Variants in RIPOR3 observed in about 807,000 individuals in gnomAD.
RIPOR3 encodes the protein RIPOR family member 3, also known as family with sequence similarity 65 member C.
Under a neutral mutation model 114.3 loss-of-function variants are expected in RIPOR3, and 95 were observed. The ratio of observed to expected loss-of-function variants is 0.83; its 90% CI spans 0.70 to 0.99. The LOEUF (loss-of-function observed/expected upper bound fraction) is 0.99, where lower values mean the gene tolerates loss of function less well. Among genes scored for constraint, RIPOR3 ranks in the 50% least tolerant of loss-of-function variants. The pLI, the probability that RIPOR3 is intolerant of heterozygous loss-of-function variation, is 0.00. For synonymous variants in RIPOR3, 575 were observed against 543.8 expected (o/e 1.06, Z -0.80); for missense variants, 1,252 against 1,266.9 (o/e 0.99, Z 0.18).
At chr20:50,640,797 G>A (rs1484016753) in intron 1 of RIPOR3, among the ~76,000 whole-genome samples, 2 of 151,958 alleles carry the variant, frequency 1.3e-5, no homozygotes, top group Non-Finnish European at 2.9e-5. Flanking sequence ...ACGAACACAT[G>A]TGAATTACTT....
At chr20:50,594,797 C>A in intron 16 of RIPOR3, 83 bp from the exon 17 acceptor site, 1 of 1,483,066 alleles carries the variant, frequency 6.7e-7, no homozygotes, top group Non-Finnish European at 9.2e-7. Context: ...TCCACTAGGA[C>A]CTGAGGGGGT....
chr20:50,598,286 G>A (rs985589688), intron 13 of RIPOR3, among the ~76,000 whole-genome samples: 1 of 152,036 alleles, frequency 6.6e-6, no homozygotes, highest in African/African-American at 2.4e-5. Flanking sequence ...GGAGAGTGTT[G>A]GGGCCACCAA....
intron 1 of RIPOR3, among the ~76,000 whole-genome samples, chr20:50,652,636 A>C (rs1463642225): frequency 6.6e-6 from 1 of 151,858 alleles, no homozygotes; most frequent in African/African-American, 2.4e-5. Flanking sequence ...AAAGAAAGAA[A>C]GAAAAGAAAA....
intron 1 of RIPOR3, among the ~76,000 whole-genome samples, chr20:50,689,329 C>T (rs2087131831): frequency 6.6e-6 from 1 of 152,106 alleles, no homozygotes; most frequent in Admixed American, 6.5e-5. Context: ...GCACGCACCA[C>T]CACGGCCAGC....
chr20:50,596,800 C>G (rs778402136), intron 14 of RIPOR3, among the ~76,000 whole-genome samples: 1 of 152,196 alleles, frequency 6.6e-6, no homozygotes, highest in Admixed American at 6.5e-5. Context: ...AGCCTCTGCT[C>G]TTCCATGTGG....
intron 14 of RIPOR3, chr20:50,596,962 T>A (rs2083314014): frequency 6.6e-6 from 1 of 151,160 alleles, no homozygotes; most frequent in African/African-American, 2.5e-5. Flanking sequence ...AGAGCTTTTT[T>A]TTTCTTTTTC....
At chr20:50,607,260 G>T (rs1028446742) in intron 11 of RIPOR3, among the ~76,000 whole-genome samples, 2 of 152,072 alleles carry the variant, frequency 1.3e-5, no homozygotes, top group East Asian at 3.9e-4. Context: ...AAAGGGGTGC[G>T]CTTACAGAAG....
At chr20:50,658,844 T>C (rs1279690447) in intron 1 of RIPOR3, among the ~76,000 whole-genome samples, 1 of 152,152 alleles carries the variant, frequency 6.6e-6, no homozygotes, top group Non-Finnish European at 1.5e-5. Flanking sequence ...TTATAAATGG[T>C]GAAGACAGGT....
intron 19 of RIPOR3, 171 bp from the exon 20 acceptor site, chr20:50,589,940 G>A: frequency 3.3e-6 from 2 of 604,820 alleles, no homozygotes; most frequent in Non-Finnish European, 6.1e-6. Flanking sequence ...ACAGTCACAA[G>A]ATCTATACTG....
chr20:50,691,095 C>A (rs897315363), intron 1 of RIPOR3, 31 bp downstream of exon 1: 14 of 1,289,508 alleles, frequency 1.1e-5, no homozygotes, highest in Non-Finnish European at 1.4e-5. Context: ...GGCGTCACGG[C>A]ACACATGGGG....
intron 1 of RIPOR3, among the ~76,000 whole-genome samples, chr20:50,644,048 A>G (rs1251573304): frequency 1.3e-5 from 2 of 151,270 alleles, no homozygotes; most frequent in African/African-American, 4.9e-5. Flanking sequence ...TGAGCCCAGG[A>G]GTTCAAGGCT....
intron 2 of RIPOR3, among the ~76,000 whole-genome samples, chr20:50,629,354 A>C (rs959232772): frequency 2.0e-5 from 3 of 152,122 alleles, no homozygotes; most frequent in Admixed American, 2.0e-4. Context: ...TGGCCCCTTC[A>C]GGATGTCGAT....
chr20:50,594,028 T>C (rs1057432274), intron 17 of RIPOR3, among the ~76,000 whole-genome samples: 8 of 152,034 alleles, frequency 5.3e-5, no homozygotes, highest in Admixed American at 5.2e-4. Flanking sequence ...CCCAGCACTT[T>C]GGGAGGCCGA....
intron 13 of RIPOR3, 47 bp from the exon 14 acceptor site, chr20:50,597,757 A>C: frequency 6.3e-7 from 1 of 1,595,716 alleles, no homozygotes; most frequent in Non-Finnish European, 8.5e-7. Flanking sequence ...GGCCCCACCC[A>C]CCCGACTGGG....
At chr20:50,673,392 C>T (rs541613499) in intron 1 of RIPOR3, among the ~76,000 whole-genome samples, 61 of 152,224 alleles carry the variant, frequency 4.0e-4, no homozygotes, top group African/African-American at 1.3e-3. Context: ...CTCTCTGCCA[C>T]GTGGCCGGTT....
At chr20:50,620,420 G>T (rs1600594880) in intron 2 of RIPOR3, among the ~76,000 whole-genome samples, 1 of 152,006 alleles carries the variant, frequency 6.6e-6, no homozygotes, top group African/African-American at 2.4e-5. Context: ...TGAGATCAGG[G>T]GTTCAAGACC....
At chr20:50,673,308 G>T (rs1429818822) in intron 1 of RIPOR3, among the ~76,000 whole-genome samples, 3 of 152,192 alleles carry the variant, frequency 2.0e-5, no homozygotes, top group Non-Finnish European at 4.4e-5. Context: ...ACGTTAGGGA[G>T]GGGCGGTCCC....
intron 17 of RIPOR3, 80 bp from the exon 18 acceptor site, chr20:50,593,276 C>T: frequency 6.6e-7 from 1 of 1,505,588 alleles, no homozygotes; most frequent in Non-Finnish European, 8.9e-7. Flanking sequence ...GCCTGGTCAG[C>T]TAAAAGGCTT....
intron 3 of RIPOR3, among the ~76,000 whole-genome samples, chr20:50,616,591 G>T (rs886451786): frequency 6.6e-6 from 1 of 152,126 alleles, no homozygotes; most frequent in Non-Finnish European, 1.5e-5. Flanking sequence ...TGATCTGTCT[G>T]CCTTGGCCTC....
Sources: gnomAD v4.1 joint callset for allele counts (sites outside exome capture counted in the v4.1 genomes callset) on GRCh38, gnomAD v4.1.1 for gene constraint, MANE v1.5 for transcripts, NCBI Gene and HGNC (gene_info 2026-07-23, HGNC 2026-07-21) for gene names.